The following CNTN6 variants were observed in gnomAD, a reference collection of about 807,000 sequenced individuals.
CNTN6 encodes contactin-6.
A neutral mutation model predicts 122.8 loss-of-function variants in CNTN6; 137 were observed. The observed-to-expected ratio is 1.12, with a 90% confidence interval of 0.97 to 1.29. The LOEUF (loss-of-function observed/expected upper bound fraction) is 1.29. CNTN6 is among the 50% of genes most tolerant of loss of function. The probability of loss-of-function intolerance (pLI) is 0.00; values close to 1 mark genes in which losing one functional copy is unlikely to be tolerated. For synonymous variants in CNTN6, 570 were observed against 426.0 expected (o/e 1.34, Z -4.16); for missense variants, 1,634 against 1,223.4 (o/e 1.34, Z -5.01).
At chr3:1,274,769 G>A (rs1264532240) in intron 4 of CNTN6, among the ~76,000 whole-genome samples, 1 of 152,126 alleles carries the variant, frequency 6.6e-6, no homozygotes, top group African/African-American at 2.4e-5. Flanking sequence ...AGAGGAAAAT[G>A]TATGGTTGGC....
intron 4 of CNTN6, among the ~76,000 whole-genome samples, chr3:1,241,320 T>C (rs912121313): frequency 1.3e-5 from 2 of 151,608 alleles, no homozygotes; most frequent in South Asian, 2.1e-4. Flanking sequence ...GGGGGTGGTA[T>C]GGAGAGAGAA....
chr3:1,296,259 G>A (rs944059818), intron 6 of CNTN6, among the ~76,000 whole-genome samples: 3 of 151,978 alleles, frequency 2.0e-5, no homozygotes, highest in African/African-American at 4.8e-5. Flanking sequence ...CAAAATGGAG[G>A]GAAAAGTTCA....
rs538634959 is a variant in CNTN6, at chr3:1,240,011, A to C, written c.358+12018A>C. Among the ~76,000 whole-genome samples, 516 of 152,286 alleles carry C rather than the reference A, an allele frequency of 3.4e-3. 4 individuals carry two copies. The highest frequency in any genetic ancestry group is 0.012 in the African/African-American group (486 of 41,558). On this transcript the variant is annotated intron_variant, in intron 4 of 22. Transcript: ENST00000446702. Reference sequence around the variant, plus strand: ...ACTGGATCCTCATCTCTCACCTTAAAAAAAATCAACTCAAGATATATCAAA... The same window carrying C: ...ACTGGATCCTCATCTCTCACCTTAACAAAAATCAACTCAAGATATATCAAA...
chr3:1,348,240 G>A (rs1023296763), intron 11 of CNTN6, among the ~76,000 whole-genome samples: 24 of 147,916 alleles, frequency 1.6e-4, no homozygotes, highest in South Asian at 2.1e-4. Context: ...ATTCAGATTC[G>A]ATCATAAGTA....
chr3:1,258,089 A>G (rs1041212003), intron 4 of CNTN6, among the ~76,000 whole-genome samples: 4 of 152,178 alleles, frequency 2.6e-5, no homozygotes, highest in African/African-American at 7.2e-5. Context: ...GTATTGGAAA[A>G]GCAATATATG....
chr3:1,382,299 AT>A (rs1036987201), intron 17 of CNTN6, among the ~76,000 whole-genome samples: 4 of 152,114 alleles, frequency 2.6e-5, no homozygotes, highest in Non-Finnish European at 4.4e-5. Context: ...ACCAATTTCT[AT>A]TTTGCTATTT....
At chr3:1,128,679 A>G (rs1047077601) in intron 1 of CNTN6, among the ~76,000 whole-genome samples, 1 of 151,766 alleles carries the variant, frequency 6.6e-6, no homozygotes, top group African/African-American at 2.4e-5. Flanking sequence ...CACCTATTCT[A>G]TTTTCCTTTT....
chr3:1,136,865 C>T (rs1449525412), intron 1 of CNTN6, among the ~76,000 whole-genome samples: 2 of 152,130 alleles, frequency 1.3e-5, no homozygotes, highest in African/African-American at 2.4e-5. Context: ...TACTTAGTTC[C>T]TCCCAGTTTC....
intron 1 of CNTN6, among the ~76,000 whole-genome samples, chr3:1,097,202 C>T (rs1267259179): frequency 6.6e-6 from 1 of 152,098 alleles, no homozygotes; most frequent in Non-Finnish European, 1.5e-5. Context: ...TGATAATGTC[C>T]CCTATTAGTT....
chr3:1,113,437 A>G (rs891860707), intron 1 of CNTN6, among the ~76,000 whole-genome samples: 13 of 152,218 alleles, frequency 8.5e-5, no homozygotes, highest in African/African-American at 2.7e-4. Context: ...ATAACAAATT[A>G]TCATATGAAA....
chr3:1,256,992 C>A (rs551866464), intron 4 of CNTN6, among the ~76,000 whole-genome samples: 1 of 152,212 alleles, frequency 6.6e-6, no homozygotes, highest in African/African-American at 2.4e-5. Flanking sequence ...CCAAATGATA[C>A]TTTCAACAGC....
At chr3:1,099,421 A>C (rs947099903) in intron 1 of CNTN6, among the ~76,000 whole-genome samples, 1 of 152,232 alleles carries the variant, frequency 6.6e-6, no homozygotes, top group Non-Finnish European at 1.5e-5. Flanking sequence ...ATTACACTCC[A>C]GCCTGGGTGA....
At chr3:1,386,313 C>G (rs995184399) in intron 20 of CNTN6, among the ~76,000 whole-genome samples, 1 of 152,190 alleles carries the variant, frequency 6.6e-6, no homozygotes, top group Non-Finnish European at 1.5e-5. Context: ...GATCCTACAA[C>G]TGTCAGACAC....
In CNTN6 at chr3:1,401,516, G is replaced by T. The variant is rs531023205; in HGVS notation, c.2788G>T (p.Glu930Ter). Residue 930 changes from glutamate to a stop codon, truncating the protein, a stop_gained, in exon 21 of 23, where the codon GAA becomes TAA. Transcript: ENST00000446702. LOFTEE classifies it high-confidence loss of function. ...GAACTGGGAGCATGTAAAAACCATG[G>T]AAAATGAGTCTGAAGTTTTGGGGTA... ...CLNWEHVKTM[E>*]NESEVLGYKI... 1 of 1,611,498 alleles carries T rather than the reference G, an allele frequency of 6.2e-7. No individual in the cohort carries two copies. Among genetic ancestry groups the T allele is most frequent in the Non-Finnish European group, 8.5e-7 (1 of 1,178,336 alleles).
intron 12 of CNTN6, among the ~76,000 whole-genome samples, chr3:1,361,994 C>A (rs1177297938): frequency 9.9e-5 from 15 of 152,054 alleles, no homozygotes; most frequent in Admixed American, 8.5e-4. Flanking sequence ...AAGGGAGACA[C>A]AAATAGAGGT....
At chr3:1,266,490 T>C (rs978579535) in intron 4 of CNTN6, among the ~76,000 whole-genome samples, 3 of 152,192 alleles carry the variant, frequency 2.0e-5, no homozygotes, top group Non-Finnish European at 2.9e-5. Flanking sequence ...AAAAATGTTC[T>C]TGCTTCACGC....
chr3:1,098,785 C>CATATAT (rs1279985142), intron 1 of CNTN6, among the ~76,000 whole-genome samples: 205 of 49,364 alleles, frequency 4.2e-3, no homozygotes, highest in African/African-American at 6.2e-3. Context: ...CACACACACA[C>CATATAT]ACACATATAT....
chr3:1,176,369 A>ATTT (rs1452565060), intron 2 of CNTN6, among the ~76,000 whole-genome samples: 3 of 152,214 alleles, frequency 2.0e-5, no homozygotes, highest in Non-Finnish European at 4.4e-5. Context: ...GTGGGCCAAG[A>ATTT]TCGTGCACCG....
intron 11 of CNTN6, among the ~76,000 whole-genome samples, chr3:1,343,963 T>G (rs536861326): frequency 6.6e-6 from 1 of 152,238 alleles, no homozygotes; most frequent in East Asian, 1.9e-4. Flanking sequence ...GAGCAAAAAC[T>G]TATCTAAAAA....
Sources: allele counts gnomAD v4.1 joint callset (sites outside exome capture counted in the v4.1 genomes callset), GRCh38; gene constraint gnomAD v4.1.1; transcripts MANE v1.5; gene names NCBI Gene and HGNC (gene_info 2026-07-23, HGNC 2026-07-21).